The following ERCC6 variants were observed in gnomAD, a reference collection of about 807,000 sequenced individuals.
ERCC6 encodes DNA excision repair protein ERCC-6.
A neutral mutation model predicts 158.7 loss-of-function variants in ERCC6; 116 were observed. The observed-to-expected ratio is 0.73, with a 90% CI of 0.63 to 0.85. The LOEUF is 0.85. Ranked by LOEUF, ERCC6 falls within the 40% of genes least tolerant of loss-of-function variation. The probability of loss-of-function intolerance (pLI) is 0.00; values close to 1 mark genes in which losing one functional copy is unlikely to be tolerated. For missense variants in ERCC6, 1,698 were observed against 1,799.4 expected (o/e 0.94, Z 1.02); for synonymous variants, 678 against 659.3 (o/e 1.03, Z -0.43).
At chr10:49,443,974 A>C in the ERCC6 span, among the ~76,000 whole-genome samples, 1 of 152,204 alleles carries the variant, frequency 6.6e-6, no homozygotes, top group African/African-American at 2.4e-5. Context: ...CAGGAAAAGG[A>C]AGGCCACTGT....
At chr10:49,522,788 T>G (rs1837203196) in intron 5 of ERCC6, among the ~76,000 whole-genome samples, 2 of 152,204 alleles carry the variant, frequency 1.3e-5, no homozygotes, top group South Asian at 2.1e-4. Context: ...CTGGGCAACA[T>G]TCCTCAAACA....
At position 49,532,542 on chromosome 10, in the gene ERCC6, C is replaced by G. The variant is rs1198472093; in HGVS notation, c.422+1G>C. The stretch of plus-strand genomic sequence containing the variant: ...AAAGGAAGAAGATGGGCTGCACTCA[C>G]GTGAGGTCATCCAGGACCGACCGAT... On this transcript the variant is annotated splice_donor_variant, in intron 2 of 20. Transcript: ENST00000355832. LOFTEE classifies it high-confidence loss of function. 1.2e-6 allele frequency: 2 copies of G among 1,613,750 alleles called. No homozygotes were observed. The highest frequency in any genetic ancestry group is 1.7e-6 in the Non-Finnish European group (2 of 1,180,040).
At chr10:49,494,505 T>G (rs4253124) in intron 7 of ERCC6, among the ~76,000 whole-genome samples, 2,818 of 152,302 alleles carry the variant, frequency 0.019, 86 homozygotes, top group African/African-American at 0.064. Context: ...GTGGCCATTG[T>G]CTCAACATGC....
At chr10:49,538,719 T>C (rs1339402224) in intron 1 of ERCC6, among the ~76,000 whole-genome samples, 1 of 152,122 alleles carries the variant, frequency 6.6e-6, no homozygotes, top group Admixed American at 6.5e-5. Flanking sequence ...GAGAAGTAGC[T>C]GGGTCGCTGG....
At chr10:49,483,250 A>T (rs1317523773) in intron 9 of ERCC6, 96 bp downstream of exon 9, 5 of 1,297,024 alleles carry the variant, frequency 3.9e-6, no homozygotes, top group African/African-American at 1.5e-5. Flanking sequence ...TGGCACAAGG[A>T]AAGATTCAAT....
chr10:49,475,038 G>C (rs1590410032), intron 12 of ERCC6, among the ~76,000 whole-genome samples: 1 of 152,248 alleles, frequency 6.6e-6, no homozygotes, highest in Non-Finnish European at 1.5e-5. Flanking sequence ...TAAATGATCT[G>C]AATAAGTCAG....
chr10:49,448,568 A>C, the ERCC6 span, among the ~76,000 whole-genome samples: 1 of 152,176 alleles, frequency 6.6e-6, no homozygotes, highest in Non-Finnish European at 1.5e-5. Context: ...CATCATCTGA[A>C]AACCTAAAAA....
chr10:49,516,793 T>C, intron 5 of ERCC6: 1 of 1,614,152 alleles, frequency 6.2e-7, no homozygotes, highest in South Asian at 1.1e-5. Context: ...AGAATTTTTG[T>C]CATTTTCCTC....
Position 49,455,877 on chromosome 10 carries a change from T to C in ERCC6, c.*2938A>G, listed in dbSNP as rs922373010. On this transcript the variant is annotated 3_prime_UTR_variant, in exon 21 of 21. Coordinates refer to ENST00000355832, the MANE Select transcript of ERCC6 (RefSeq NM_000124.4). ...AAACAAAACAACCTATCGATATTGA[T>C]ACCACTTACTGTTGGCAAGGGTTTG... 14 of 152,240 alleles carry C rather than the reference T, an allele frequency of 9.2e-5. No individual in the cohort carries two copies. The highest frequency in any genetic ancestry group is 1.8e-4 in the Non-Finnish European group (12 of 68,044). 9.4% of individuals were successfully genotyped at this position (152,240 alleles called of 1,614,324 possible).
intron 2 of ERCC6, among the ~76,000 whole-genome samples, chr10:49,532,135 T>G (rs369887881): frequency 6.6e-6 from 1 of 152,162 alleles, no homozygotes; most frequent in Non-Finnish European, 1.5e-5. Context: ...GACTGAACAC[T>G]AAGTTTGGGG....
intron 18 of ERCC6, among the ~76,000 whole-genome samples, chr10:49,465,392 G>T (rs964414606): frequency 6.6e-6 from 1 of 152,240 alleles, no homozygotes; most frequent in African/African-American, 2.4e-5. Flanking sequence ...AGGCAGAAGA[G>T]ACTTGCCTGG....
Position 49,461,433 on chromosome 10 carries a change from C to G in ERCC6, c.3902G>C (p.Arg1301Pro). The G allele has an allele frequency of 5.0e-6, 8 of 1,614,200 alleles. No individual in the cohort carries two copies. The highest frequency in any genetic ancestry group is 6.8e-6 in the Non-Finnish European group (8 of 1,180,036). Residue 1301 changes from arginine (R) to proline (P), a missense_variant, in exon 19 of 21, where the codon CGT (arginine) becomes CCT (proline). By Grantham distance (103) the Arg-to-Pro change is moderately radical. Transcript: ENST00000355832. ...AGACACTGCTCCCAGACACCGCTGA[C>G]GAGAGAGCCTCAGTGCTTTCAGGGC... ...QDALKALRLS[R>P]QRCLGAVSGV...
intron 5 of ERCC6, chr10:49,516,948 G>A: frequency 1.2e-6 from 2 of 1,614,104 alleles, no homozygotes; most frequent in Non-Finnish European, 1.7e-6. Context: ...GTGCAACAAA[G>A]AACCTGGCAG....
chr10:49,436,697 T>A, the ERCC6 span, among the ~76,000 whole-genome samples: 1 of 152,332 alleles, frequency 6.6e-6, no homozygotes, highest in Non-Finnish European at 1.5e-5. Flanking sequence ...AGTGTAATAG[T>A]TGGCACAATG....
intron 8 of ERCC6, among the ~76,000 whole-genome samples, chr10:49,492,839 C>T (rs1851198596): frequency 6.6e-6 from 1 of 152,232 alleles, no homozygotes; most frequent in Admixed American, 6.5e-5. Context: ...CCAACCCACA[C>T]TGCCAGGCTT....
chr10:49,524,928 G>A (rs1837276489), intron 4 of ERCC6, 151 bp from the exon 5 acceptor site: 1 of 1,494,384 alleles, frequency 6.7e-7, no homozygotes, highest in East Asian at 2.5e-5. Context: ...TACATATGAA[G>A]GACAGAATAA....
rs747729450 is a variant in ERCC6, at chr10:49,461,329, T to C, written c.3983+23A>G. ...CTTAGTTGTTTGGACTCCTTGCAAG[T>C]ATGGCATGCAGCAATCTCTTACTTT... On this transcript the variant is annotated intron_variant, in intron 19 of 20. Transcript: ENST00000355832. The C allele has an allele frequency of 6.8e-6, 11 of 1,609,120 alleles. No homozygotes were observed. The South Asian group carries it at 1.1e-4, about 16-fold the overall frequency.
At chr10:49,473,150 T>C in intron 14 of ERCC6, 122 bp from the exon 15 acceptor site, 3 of 1,298,976 alleles carry the variant, frequency 2.3e-6, no homozygotes, top group Non-Finnish European at 3.3e-6. Context: ...GGAATGGTAA[T>C]GTCCTAGAGA....
intron 5 of ERCC6, among the ~76,000 whole-genome samples, chr10:49,512,991 C>T (rs1836848740): frequency 6.6e-6 from 1 of 152,298 alleles, no homozygotes; most frequent in South Asian, 2.1e-4. Context: ...ATTCATTATA[C>T]ACCCTCCTTC....
Sources: gnomAD v4.1 joint callset for allele counts (sites outside exome capture counted in the v4.1 genomes callset) on GRCh38, gnomAD v4.1.1 for gene constraint, MANE v1.5 for transcripts, NCBI Gene and HGNC (gene_info 2026-07-23, HGNC 2026-07-21) for gene names.